Variants in PER2 observed in about 807,000 individuals in gnomAD.
PER2 encodes the protein period circadian protein homolog 2.
A neutral mutation model predicts 121.0 loss-of-function variants in PER2; 66 were observed. That is an observed-to-expected ratio of 0.55 (90% CI 0.45 to 0.67). The LOEUF is 0.67. Ranked by LOEUF, PER2 falls within the 30% of genes least tolerant of loss-of-function variation. PER2 has a pLI of 0.00. For synonymous variants in PER2, 684 were observed against 659.9 expected (o/e 1.04, Z -0.56); for missense variants, 1,521 against 1,635.0 (o/e 0.93, Z 1.20).
intron 4 of PER2, among the ~76,000 whole-genome samples, chr2:238,274,716 G>A (rs1234255178): frequency 6.6e-6 from 1 of 152,200 alleles, no homozygotes; most frequent in African/African-American, 2.4e-5. Context: ...TCCATGGTGG[G>A]GTGCTCATCC....
intron 21 of PER2, among the ~76,000 whole-genome samples, chr2:238,249,668 TG>T (rs1158849215): frequency 6.6e-6 from 1 of 152,232 alleles, no homozygotes; most frequent in African/African-American, 2.4e-5. Flanking sequence ...AAATCTTATC[TG>T]GAACTGTAAT....
intron 1 of PER2, among the ~76,000 whole-genome samples, chr2:238,286,196 G>A (rs58574366): frequency 0.12 from 18,030 of 152,110 alleles, 1,778 homozygotes; most frequent in African/African-American, 0.27. Context: ...GAGCTACTCC[G>A]AATTGCAGGA....
At chr2:238,267,061 A>G (rs1282561674) in intron 8 of PER2, among the ~76,000 whole-genome samples, 2 of 151,622 alleles carry the variant, frequency 1.3e-5, no homozygotes, top group African/African-American at 4.8e-5. Flanking sequence ...AAAAAAAAAA[A>G]AAAAAAAAAA....
chr2:238,285,743 C>T (rs73088961), intron 1 of PER2, among the ~76,000 whole-genome samples: 27 of 152,314 alleles, frequency 1.8e-4, no homozygotes, highest in African/African-American at 6.0e-4. Context: ...ATCTACCCCG[C>T]GGGGACTCAC....
rs187979399 is a variant in PER2 at position 238,246,034 on chromosome 2, C to T, written c.*341G>A. On this transcript the variant is annotated 3_prime_UTR_variant, in exon 23 of 23. Coordinates refer to ENST00000254657, the MANE Select transcript of PER2 (RefSeq NM_022817.3). Reference sequence around the variant, plus strand: ...CAGCTGGTGCAGCAGACAGAGGTCTCGTCACAGTCACAGGACTTCTGGGAG... The same window carrying T: ...CAGCTGGTGCAGCAGACAGAGGTCTTGTCACAGTCACAGGACTTCTGGGAG... 3.2e-5 allele frequency: 7 copies of T among 218,580 alleles called. No homozygotes were observed. Among genetic ancestry groups the T allele is most frequent in the Non-Finnish European group, 5.3e-5 (6 of 112,758 alleles). 13.5% of individuals were successfully genotyped at this position (218,580 alleles called of 1,614,324 possible). A position where few individuals can be genotyped will look rare whatever the true frequency, so the allele number is the denominator to read the frequency against.
chr2:238,245,295 T>G lies in PER2; in HGVS notation c.*1080A>C, dbSNP rs1009682704. The G allele has an allele frequency of 3.0e-6, 1 of 330,304 alleles. No homozygotes were observed. The highest frequency in any genetic ancestry group is 1.6e-4 in the South Asian group (1 of 6,382). The allele number at this position is 330,304 out of a possible 1,614,324, so 20.5% of individuals were successfully genotyped here. The stretch of plus-strand genomic sequence containing the variant: ...AGTGCTGGGGACACTGGCAGAGGCC[T>G]GAAGCTGCTCCGAGAGAGGTCGGGC... On this transcript the variant is annotated 3_prime_UTR_variant, in exon 23 of 23. Transcript: ENST00000254657.
chr2:238,292,095 T>C (rs900303664), upstream of PER2, among the ~76,000 whole-genome samples: 1 of 152,140 alleles, frequency 6.6e-6, no homozygotes, highest in Admixed American at 6.5e-5. Context: ...GAGTTCGAGG[T>C]TGCAGTGAAC....
rs1210274699 is a variant in PER2 at position 238,244,943 on chromosome 2, A to G, written c.*1432T>C. On this transcript the variant is annotated 3_prime_UTR_variant, in exon 23 of 23. Transcript: ENST00000254657. ...TCGCCTGTGGTCCCAGCTACTCAGGAGGCTGAGGCAGGAGAATCGCTTGAA... is the reference window on the plus strand; with the variant it reads ...TCGCCTGTGGTCCCAGCTACTCAGGGGGCTGAGGCAGGAGAATCGCTTGAA... 6.8e-6 allele frequency: 1 copy of G among 146,266 alleles called. No homozygotes were observed. Among genetic ancestry groups the G allele is most frequent in the Non-Finnish European group, 1.5e-5 (1 of 66,968 alleles). 9.1% of individuals were successfully genotyped at this position (146,266 alleles called of 1,614,324 possible).
rs1306842077 is a variant in PER2 at position 238,273,208 on chromosome 2, G to T, written c.449-17C>A. The T allele has an allele frequency of 1.9e-6, 3 of 1,608,732 alleles. No homozygotes were observed. Among genetic ancestry groups the T allele is most frequent in the Non-Finnish European group, 2.5e-6 (3 of 1,177,706 alleles). Reference sequence around the variant, plus strand: ...CTTCATTGGCTGCAGGAGAGACAGTGTTCACTCAGTGGGCAGAACCCAGCG... The same window carrying T: ...CTTCATTGGCTGCAGGAGAGACAGTTTTCACTCAGTGGGCAGAACCCAGCG... On this transcript the variant is annotated splice_polypyrimidine_tract_variant and intron_variant, in intron 4 of 22. Transcript: ENST00000254657.
In PER2 at chr2:238,256,885, TC is replaced by T; in HGVS notation, c.2065+36del. ...AACTTCTTGTTTTCATGGTTAAAAATCAAACTGCTCTCTGATCCAAGAGCCC... is the reference window on the plus strand; with the variant it reads ...AACTTCTTGTTTTCATGGTTAAAAATAAACTGCTCTCTGATCCAAGAGCCC... On this transcript the variant is annotated intron_variant, in intron 17 of 22. Coordinates refer to ENST00000254657, the MANE Select transcript of PER2 (RefSeq NM_022817.3). The T allele has an allele frequency of 1.9e-6, 3 of 1,600,584 alleles. No individual in the cohort carries two copies. The East Asian group carries it at 6.7e-5, about 36-fold the overall frequency.
chr2:238,294,882 A>C (rs1299923130), upstream of PER2, among the ~76,000 whole-genome samples: 1 of 152,202 alleles, frequency 6.6e-6, no homozygotes, highest in African/African-American at 2.4e-5. Flanking sequence ...TGGCGAATGC[A>C]GGTGCTCCCT....
rs749290223 is a variant in PER2 at position 238,273,209 on chromosome 2, T to G, written c.449-18A>C. 6.2e-7 allele frequency: 1 copy of G among 1,607,656 alleles called. No individual in the cohort carries two copies. Among genetic ancestry groups the G allele is most frequent in the Non-Finnish European group, 8.5e-7 (1 of 1,177,154 alleles). ...TTCATTGGCTGCAGGAGAGACAGTG[T>G]TCACTCAGTGGGCAGAACCCAGCGC... On this transcript the variant is annotated intron_variant, in intron 4 of 22. Transcript: ENST00000254657.
upstream of PER2, among the ~76,000 whole-genome samples, chr2:238,291,914 C>T (rs1298875697): frequency 1.3e-5 from 2 of 152,244 alleles, no homozygotes; most frequent in Non-Finnish European, 2.9e-5. Flanking sequence ...TATCTTCCAG[C>T]TCTTTGGGAG....
chr2:238,250,914 G>A (rs1695581075), intron 20 of PER2, among the ~76,000 whole-genome samples, 171 bp from the exon 21 acceptor site: 1 of 152,216 alleles, frequency 6.6e-6, no homozygotes, highest in African/African-American at 2.4e-5. Flanking sequence ...AATGCTCTGG[G>A]TAATTAGGAA....
intron 5 of PER2, among the ~76,000 whole-genome samples, chr2:238,272,696 A>G (rs1248463557): frequency 1.3e-5 from 2 of 152,174 alleles, no homozygotes; most frequent in Non-Finnish European, 1.5e-5. Context: ...GGAGTCTCAA[A>G]TCCCAGCTCC....
Position 238,277,195 on chromosome 2 carries a change from T to C in PER2, c.231-2A>G. ...ATCATCAGGCTAAAGGTATCTGGAC[T>C]ATGAAAACAAAAAATAAAAGCAAAA... is the stretch of plus-strand genomic sequence containing the variant. On this transcript the variant is annotated splice_acceptor_variant, in intron 2 of 22. Transcript: ENST00000254657. LOFTEE classifies it high-confidence loss of function. The C allele has an allele frequency of 6.2e-7, 1 of 1,609,682 alleles. No homozygotes were observed. Among genetic ancestry groups the C allele is most frequent in the Non-Finnish European group, 8.5e-7 (1 of 1,175,924 alleles).
Position 238,259,953 on chromosome 2 carries a change from A to G in PER2, c.1627+16T>C, listed in dbSNP as rs752907740. 15 of 1,155,634 alleles carry G rather than the reference A, an allele frequency of 1.3e-5. No individual in the cohort carries two copies. The highest frequency in any genetic ancestry group is 1.8e-5 in the Non-Finnish European group (14 of 772,956). 71.6% of individuals were successfully genotyped at this position (1,155,634 alleles called of 1,614,324 possible). A position where few individuals can be genotyped will look rare whatever the true frequency, so the allele number is the denominator to read the frequency against. The stretch of plus-strand genomic sequence containing the variant: ...TCTAGTTTCAGTAAGGAAATGTTGA[A>G]TATTTTTTTTTTTACCTGTAACGGA... On this transcript the variant is annotated intron_variant, in intron 14 of 22. Transcript: ENST00000254657.
intron 1 of PER2, among the ~76,000 whole-genome samples, chr2:238,282,405 C>T (rs996876052): frequency 2.0e-5 from 3 of 152,172 alleles, no homozygotes; most frequent in Non-Finnish European, 4.4e-5. Context: ...GGGACCTAAG[C>T]TCCATGGGGG....
chr2:238,290,325 C>G (rs1336008451), upstream of PER2, among the ~76,000 whole-genome samples: 8 of 151,996 alleles, frequency 5.3e-5, no homozygotes, highest in Admixed American at 5.2e-4. Context: ...AAATGCCAAG[C>G]AAACCCAGGC....
Sources: gnomAD v4.1 joint callset for allele counts (sites outside exome capture counted in the v4.1 genomes callset) on GRCh38, gnomAD v4.1.1 for gene constraint, MANE v1.5 for transcripts, NCBI Gene and HGNC (gene_info 2026-07-23, HGNC 2026-07-21) for gene names.